The following LOXL2 variants were observed in gnomAD, a reference collection of about 807,000 sequenced individuals.
The protein encoded by LOXL2 is lysyl oxidase like 2.
A neutral mutation model predicts 93.0 loss-of-function variants in LOXL2; 70 were observed. That is an observed-to-expected ratio of 0.75 (90% confidence interval 0.62 to 0.92). LOXL2 has a LOEUF of 0.92. LOXL2 is among the 40% of genes least tolerant of loss of function. The pLI, the probability that LOXL2 is intolerant of heterozygous loss-of-function variation, is 0.00. For missense variants in LOXL2, 973 were observed against 1,054.9 expected, an observed-to-expected ratio of 0.92 and a Z score of 1.08; for synonymous variants, 438 against 413.2, an observed-to-expected ratio of 1.06 and a Z score of -0.73.
At chr8:23,357,755 G>T (rs1220416796) in intron 3 of LOXL2, among the ~76,000 whole-genome samples, 2 of 151,934 alleles carry the variant, frequency 1.3e-5, no homozygotes, top group African/African-American at 4.8e-5. Context: ...TTGAACAGAG[G>T]CCCATCTAAG....
intron 3 of LOXL2, among the ~76,000 whole-genome samples, chr8:23,347,729 G>A (rs547707411): frequency 1.3e-5 from 2 of 152,196 alleles, no homozygotes; most frequent in Admixed American, 1.3e-4. Context: ...CGTGCTTTGA[G>A]AAACTGAAGC....
chr8:23,346,046 C>A (rs1003231571), intron 3 of LOXL2, among the ~76,000 whole-genome samples: 1 of 144,966 alleles, frequency 6.9e-6, no homozygotes. Context: ...CTAGCCTGGG[C>A]GACAGAGCGA....
At chr8:23,377,871 G>A (rs1804618411) in intron 1 of LOXL2, among the ~76,000 whole-genome samples, 1 of 152,152 alleles carries the variant, frequency 6.6e-6, no homozygotes, top group Non-Finnish European at 1.5e-5. Context: ...ACAGCACACT[G>A]ATGGGTCTTG....
chr8:23,301,596 T>C (rs777073467), intron 12 of LOXL2, among the ~76,000 whole-genome samples: 2 of 152,212 alleles, frequency 1.3e-5, no homozygotes, highest in African/African-American at 4.8e-5. Context: ...TGACTGGCTC[T>C]TTATGAGTTT....
chr8:23,401,545 A>G (rs184258268), intron 1 of LOXL2, among the ~76,000 whole-genome samples: 2 of 152,320 alleles, frequency 1.3e-5, no homozygotes, highest in East Asian at 3.9e-4. Flanking sequence ...GATGACGTAC[A>G]TGTGGCAAAA....
At chr8:23,316,839 C>A (rs1315305566) in intron 9 of LOXL2, 110 bp downstream of exon 9, 1 of 1,108,806 alleles carries the variant, frequency 9.0e-7, no homozygotes, top group Non-Finnish European at 1.2e-6. Context: ...TTCATTCTAC[C>A]TTCCTCTATT....
intron 1 of LOXL2, among the ~76,000 whole-genome samples, chr8:23,376,621 G>A (rs942308459): frequency 2.0e-5 from 3 of 152,150 alleles, no homozygotes; most frequent in African/African-American, 7.2e-5. Context: ...TTCAGAGCCT[G>A]TTATTGGTCT....
intron 1 of LOXL2, chr8:23,386,013 CCT>C (rs1344058821): frequency 2.6e-6 from 2 of 765,240 alleles, no homozygotes; most frequent in East Asian, 2.4e-5. Flanking sequence ...TGGACAACCC[CCT>C]GAGCAAGGTA....
At chr8:23,320,501 C>G (rs917382024) in intron 7 of LOXL2, among the ~76,000 whole-genome samples, 29 of 152,236 alleles carry the variant, frequency 1.9e-4, no homozygotes, top group Non-Finnish European at 3.4e-4. Context: ...CCCACCTAAC[C>G]AGCTGCCTGT....
chr8:23,302,443 G>A (rs753523984), intron 11 of LOXL2, among the ~76,000 whole-genome samples: 17 of 152,184 alleles, frequency 1.1e-4, no homozygotes, highest in Non-Finnish European at 1.5e-4. Flanking sequence ...TCCTCAGCCT[G>A]GGGATAACTG....
At chr8:23,358,975 G>A (rs982877764) in intron 3 of LOXL2, among the ~76,000 whole-genome samples, 10 of 151,880 alleles carry the variant, frequency 6.6e-5, no homozygotes, top group African/African-American at 2.2e-4. Flanking sequence ...CTGAGTAGCT[G>A]GGACTACAGG....
At chr8:23,371,853 TGTTGTCTGGGAA>T (rs963932757) in intron 1 of LOXL2, among the ~76,000 whole-genome samples, 2 of 149,924 alleles carry the variant, frequency 1.3e-5, no homozygotes, top group African/African-American at 4.9e-5. Context: ...GAGGTTCTTG[TGTTGTCTGGGAA>T]GTGGTAAAAG....
chr8:23,390,175 C>G (rs73671445), intron 1 of LOXL2, among the ~76,000 whole-genome samples: 4,462 of 152,218 alleles, frequency 0.029, 242 homozygotes, highest in African/African-American at 0.1. Context: ...CATTCATGGC[C>G]CAGAGCACAC....
At chr8:23,331,044 C>T (rs368344149) in intron 5 of LOXL2, among the ~76,000 whole-genome samples, 3 of 152,270 alleles carry the variant, frequency 2.0e-5, no homozygotes, top group East Asian at 1.9e-4. Flanking sequence ...ACTGAAGGCT[C>T]AGTCTTTTGT....
At chr8:23,358,277 C>T (rs777264944) in intron 3 of LOXL2, among the ~76,000 whole-genome samples, 11 of 152,226 alleles carry the variant, frequency 7.2e-5, no homozygotes, top group African/African-American at 1.2e-4. Flanking sequence ...CATAAGCAGT[C>T]TCCTCCACAG....
At chr8:23,328,109 G>T (rs913326371) in intron 6 of LOXL2, among the ~76,000 whole-genome samples, 1 of 152,162 alleles carries the variant, frequency 6.6e-6, no homozygotes, top group African/African-American at 2.4e-5. Flanking sequence ...ACCTACGGGG[G>T]AGTATTCATT....
intron 2 of LOXL2, 60 bp from the exon 3 acceptor site, chr8:23,360,325 C>T (rs1290612052): frequency 2.6e-5 from 35 of 1,328,506 alleles, no homozygotes; most frequent in Admixed American, 6.5e-5. Context: ...TGAGTCTTTG[C>T]GGGGCACCAG....
At chr8:23,332,619 A>G (rs1249811363) in intron 5 of LOXL2, among the ~76,000 whole-genome samples, 1 of 92,594 alleles carries the variant, frequency 1.1e-5, no homozygotes, top group Non-Finnish European at 2.1e-5. Flanking sequence ...TACACACCCA[A>G]CACACCCACT....
chr8:23,379,426 A>G (rs1291540085), intron 1 of LOXL2, among the ~76,000 whole-genome samples: 1 of 152,152 alleles, frequency 6.6e-6, no homozygotes, highest in Non-Finnish European at 1.5e-5. Context: ...TCAGATCTCA[A>G]ACTCCATGCT....
Sources: gnomAD v4.1 joint callset for allele counts (sites outside exome capture counted in the v4.1 genomes callset) on GRCh38, gnomAD v4.1.1 for gene constraint, MANE v1.5 for transcripts, NCBI Gene and HGNC (gene_info 2026-07-23, HGNC 2026-07-21) for gene names.